PRKG1: variants seen among roughly 807,000 people sequenced by gnomAD.
PRKG1 encodes the protein protein kinase cGMP-dependent 1, also known as cGMP-dependent protein kinase 1.
In PRKG1, 35 loss-of-function variants were observed where a neutral mutation model predicts 88.1. The observed-to-expected ratio is 0.40, with a 90% CI of 0.30 to 0.53. The LOEUF (loss-of-function observed/expected upper bound fraction) is 0.53, where lower values mean the gene tolerates loss of function less well. PRKG1 is among the 20% of genes least tolerant of loss of function. PRKG1 has a pLI of 0.59. For synonymous variants in PRKG1, 303 were observed against 292.5 expected, an observed-to-expected ratio of 1.04 and a Z score of -0.37; for missense variants, 540 against 839.8, an observed-to-expected ratio of 0.64 and a Z score of 4.41.
At chr10:51,545,217 C>G (rs567998326) in intron 3 of PRKG1, among the ~76,000 whole-genome samples, 2 of 152,076 alleles carry the variant, frequency 1.3e-5, no homozygotes, top group Admixed American at 6.6e-5. Context: ...TCCTCCCCTT[C>G]CCCCAATGCC....
At chr10:51,135,731 T>G (rs1490748033) in intron 1 of PRKG1, among the ~76,000 whole-genome samples, 1 of 152,076 alleles carries the variant, frequency 6.6e-6, no homozygotes, top group Non-Finnish European at 1.5e-5. Flanking sequence ...ATTTTTCAGT[T>G]TTTACATGCA....
At chr10:51,171,483 T>C (rs900597103) in intron 2 of PRKG1, among the ~76,000 whole-genome samples, 30 of 152,118 alleles carry the variant, frequency 2.0e-4, no homozygotes, top group Non-Finnish European at 2.6e-4. Context: ...GTCACTCAGC[T>C]GTTGTCTTTT....
intron 9 of PRKG1, among the ~76,000 whole-genome samples, chr10:52,187,051 T>C (rs1282763935): frequency 2.0e-5 from 3 of 152,182 alleles, no homozygotes; most frequent in Non-Finnish European, 4.4e-5. Flanking sequence ...GTTTCATAGG[T>C]TTATCTCCGA....
At chr10:52,195,427 T>C (rs1839479681) in intron 9 of PRKG1, among the ~76,000 whole-genome samples, 1 of 152,150 alleles carries the variant, frequency 6.6e-6, no homozygotes, top group Admixed American at 6.5e-5. Context: ...ATTTTGTTAG[T>C]TGGATTTTTC....
intron 4 of PRKG1, among the ~76,000 whole-genome samples, chr10:51,808,608 A>G (rs1214961202): frequency 6.6e-6 from 1 of 152,118 alleles, no homozygotes; most frequent in African/African-American, 2.4e-5. Flanking sequence ...GTCTCAAAAA[A>G]CAAAAACAGA....
At chr10:51,719,194 T>C (rs1458640206) in intron 3 of PRKG1, among the ~76,000 whole-genome samples, 1 of 151,476 alleles carries the variant, frequency 6.6e-6, no homozygotes, top group Admixed American at 6.6e-5. Flanking sequence ...GCAGTAAATA[T>C]AGATCTTCCC....
At chr10:51,683,192 A>G (rs915618525) in intron 3 of PRKG1, among the ~76,000 whole-genome samples, 2 of 152,128 alleles carry the variant, frequency 1.3e-5, no homozygotes, top group Admixed American at 6.5e-5. Flanking sequence ...ATGCACATCA[A>G]AACCACAATG....
intron 7 of PRKG1, among the ~76,000 whole-genome samples, chr10:52,087,532 C>T (rs757445523): frequency 6.6e-6 from 1 of 152,012 alleles, no homozygotes; most frequent in Non-Finnish European, 1.5e-5. Flanking sequence ...TTTTATAAAT[C>T]TTGTCTTTAA....
At chr10:52,031,250 A>T (rs1241560318) in intron 5 of PRKG1, among the ~76,000 whole-genome samples, 2 of 152,212 alleles carry the variant, frequency 1.3e-5, no homozygotes, top group Non-Finnish European at 2.9e-5. Context: ...ATAAATGAGC[A>T]TATGTAGCAC....
chr10:51,309,522 G>C (rs1841127039), intron 2 of PRKG1, among the ~76,000 whole-genome samples: 1 of 152,126 alleles, frequency 6.6e-6, no homozygotes. Context: ...TCAGAAAAGA[G>C]CAAATTAAAA....
At chr10:51,428,182 G>GT (rs1838648350) in intron 2 of PRKG1, among the ~76,000 whole-genome samples, 1 of 152,100 alleles carries the variant, frequency 6.6e-6, no homozygotes, top group African/African-American at 2.4e-5. Context: ...ATGCATCCTC[G>GT]TTATGCAACT....
intron 1 of PRKG1, among the ~76,000 whole-genome samples, chr10:51,005,811 A>T (rs888187476): frequency 6.6e-6 from 1 of 152,234 alleles, no homozygotes; most frequent in Non-Finnish European, 1.5e-5. Context: ...GGCAGGGATC[A>T]TTGACAGTTG....
chr10:51,620,824 C>T (rs1839186270), intron 3 of PRKG1, among the ~76,000 whole-genome samples: 1 of 151,622 alleles, frequency 6.6e-6, no homozygotes, highest in South Asian at 2.1e-4. Context: ...ACATTGCAAG[C>T]AATGGATTAG....
At chr10:51,021,026 G>C (rs1037746179) in intron 1 of PRKG1, among the ~76,000 whole-genome samples, 1 of 152,060 alleles carries the variant, frequency 6.6e-6, no homozygotes, top group Non-Finnish European at 1.5e-5. Context: ...CTATGTAGGG[G>C]TGTGTGTCTG....
chr10:52,251,386 T>A (rs941993413), intron 9 of PRKG1, among the ~76,000 whole-genome samples, 184 bp from the exon 10 acceptor site: 1 of 152,076 alleles, frequency 6.6e-6, no homozygotes, highest in African/African-American at 2.4e-5. Flanking sequence ...AAGTGCAAAT[T>A]TATGTTATTC....
chr10:52,100,374 T>C (rs1037571368), intron 7 of PRKG1, among the ~76,000 whole-genome samples: 1 of 152,224 alleles, frequency 6.6e-6, no homozygotes, highest in African/African-American at 2.4e-5. Flanking sequence ...CATGGCCACC[T>C]GGCCTCACAG....
chr10:51,770,182 G>A (rs918686013), intron 3 of PRKG1, among the ~76,000 whole-genome samples: 1 of 152,232 alleles, frequency 6.6e-6, no homozygotes, highest in African/African-American at 2.4e-5. Flanking sequence ...GAATTCTACA[G>A]GACTGGGCAT....
intron 2 of PRKG1, among the ~76,000 whole-genome samples, chr10:51,347,729 G>A (rs372198830): frequency 3.9e-5 from 6 of 152,168 alleles, no homozygotes; most frequent in Admixed American, 2.0e-4. Flanking sequence ...ATTCTCAGTG[G>A]TGTAACAGGC....
chr10:51,112,386 C>T (rs1376298050), intron 1 of PRKG1, among the ~76,000 whole-genome samples: 1 of 152,012 alleles, frequency 6.6e-6, no homozygotes, highest in East Asian at 1.9e-4. Flanking sequence ...GCCGCTTTTT[C>T]TAGTTCAACA....
Sources: gnomAD v4.1 joint callset for allele counts (sites outside exome capture counted in the v4.1 genomes callset) on GRCh38, gnomAD v4.1.1 for gene constraint, MANE v1.5 for transcripts, NCBI Gene and HGNC (gene_info 2026-07-23, HGNC 2026-07-21) for gene names.